The following CACNA2D3 variants were observed in gnomAD, a reference collection of about 807,000 sequenced individuals.
CACNA2D3 encodes the protein voltage-dependent calcium channel subunit alpha-2/delta-3.
A neutral mutation model predicts 160.6 loss-of-function variants in CACNA2D3; 60 were observed. The ratio of observed to expected loss-of-function variants is 0.37; its 90% confidence interval spans 0.30 to 0.46. The LOEUF is 0.46. Among genes scored for constraint, CACNA2D3 ranks in the 20% least tolerant of loss-of-function variants. The pLI is 1.00. For synonymous variants in CACNA2D3, 558 were observed against 492.9 expected (o/e 1.13, Z -1.75); for missense variants, 1,205 against 1,365.0 (o/e 0.88, Z 1.85).
intron 27 of CACNA2D3, among the ~76,000 whole-genome samples, chr3:54,928,784 T>A (rs1356644537): frequency 6.6e-6 from 1 of 152,032 alleles, no homozygotes; most frequent in Non-Finnish European, 1.5e-5. Flanking sequence ...CTTTCTTCGT[T>A]TCCCTGATGC....
intron 3 of CACNA2D3, among the ~76,000 whole-genome samples, chr3:54,360,112 A>T (rs757942059): frequency 1.3e-5 from 2 of 152,164 alleles, no homozygotes; most frequent in East Asian, 1.9e-4. Context: ...TTTGTAAATA[A>T]TGTTTATTGG....
At chr3:54,460,378 T>C (rs1300220997) in intron 4 of CACNA2D3, among the ~76,000 whole-genome samples, 2 of 152,202 alleles carry the variant, frequency 1.3e-5, no homozygotes, top group Non-Finnish European at 2.9e-5. Flanking sequence ...TATGGCCATT[T>C]TCACGATATT....
At chr3:54,378,580 G>C (rs1027378570) in intron 3 of CACNA2D3, among the ~76,000 whole-genome samples, 2 of 152,182 alleles carry the variant, frequency 1.3e-5, no homozygotes, top group Admixed American at 1.3e-4. Context: ...AAAAGAAATA[G>C]TGCAGTTACC....
intron 13 of CACNA2D3, among the ~76,000 whole-genome samples, chr3:54,803,629 C>T (rs557750921): frequency 8.5e-5 from 13 of 152,346 alleles, no homozygotes; most frequent in African/African-American, 2.9e-4. Context: ...GGAAAACACT[C>T]TGCAGGATAT....
chr3:54,320,342 T>A (rs1337663843), intron 2 of CACNA2D3, 100 bp from the exon 3 acceptor site: 1 of 563,634 alleles, frequency 1.8e-6, no homozygotes, highest in African/African-American at 1.9e-5. Flanking sequence ...ATGGTGTAAT[T>A]TTATCTTTAT....
chr3:54,447,487 C>T (rs891994376), intron 4 of CACNA2D3, among the ~76,000 whole-genome samples: 1 of 152,194 alleles, frequency 6.6e-6, no homozygotes, highest in African/African-American at 2.4e-5. Flanking sequence ...GTTGTATACA[C>T]AGGGCTTGGA....
At chr3:54,335,832 G>T (rs1358625989) in intron 3 of CACNA2D3, among the ~76,000 whole-genome samples, 1 of 151,506 alleles carries the variant, frequency 6.6e-6, no homozygotes, top group Non-Finnish European at 1.5e-5. Context: ...GGTGAAACCT[G>T]TCTCTACTAA....
At chr3:54,516,696 G>T (rs1701556584) in intron 5 of CACNA2D3, among the ~76,000 whole-genome samples, 1 of 152,178 alleles carries the variant, frequency 6.6e-6, no homozygotes, top group Non-Finnish European at 1.5e-5. Context: ...CAGCGGTTGA[G>T]TCCACGCGAC....
intron 10 of CACNA2D3, among the ~76,000 whole-genome samples, chr3:54,628,814 A>C (rs1000111363): frequency 4.6e-5 from 7 of 152,226 alleles, no homozygotes; most frequent in Admixed American, 4.6e-4. Context: ...GGGGTACAAC[A>C]GGCAGGAGGG....
At chr3:54,307,496 T>G (rs1218220308) in intron 2 of CACNA2D3, among the ~76,000 whole-genome samples, 4 of 152,150 alleles carry the variant, frequency 2.6e-5, no homozygotes, top group African/African-American at 9.7e-5. Flanking sequence ...CAGTAGGGAA[T>G]TATATGTCAG....
chr3:54,392,705 A>G lies in CACNA2D3; in HGVS notation c.381+5931A>G, dbSNP rs1383980469. On this transcript the variant is annotated intron_variant, in intron 4 of 37. Transcript: ENST00000474759. The stretch of plus-strand genomic sequence containing the variant: ...GGGGGAATAAAGACTGTTGGTGGGA[A>G]ACCTCTGAGATAAGATGACTTCCGA... Among the ~76,000 whole-genome samples the G allele has an allele frequency of 2.6e-5, 4 of 152,114 alleles. No homozygotes were observed. The East Asian group carries it at 7.7e-4, about 29-fold the overall frequency.
chr3:54,634,060 T>C (rs1167312228), intron 10 of CACNA2D3, among the ~76,000 whole-genome samples: 7 of 152,208 alleles, frequency 4.6e-5, no homozygotes, highest in African/African-American at 7.2e-5. Context: ...TCTCTCAAGT[T>C]ACTGCAACTT....
chr3:54,122,768 G>A lies in CACNA2D3; in HGVS notation c.55G>A (p.Ala19Thr). 1 of 1,226,364 alleles carries A rather than the reference G, an allele frequency of 8.2e-7. No homozygotes were observed. The allele number at this position is 1,226,364 out of a possible 1,614,324, so 76.0% of individuals were successfully genotyped here. A position where few individuals can be genotyped will look rare whatever the true frequency, so the allele number is the denominator to read the frequency against. ...GTCCCGGGGGGCCTCGGCGCTTCTC[G>A]CTGCCGCGCTTCTCTACGCCGCGCT... Reference protein sequence around the residue: ...RASRGASALLAAALLYAALGD... With the variant: ...RASRGASALLTAALLYAALGD... The change falls in exon 1 of 38, where the codon GCT becomes ACT. Residue 19 changes from alanine (A) to threonine (T), a missense_variant. Transcript: ENST00000474759.
intron 4 of CACNA2D3, among the ~76,000 whole-genome samples, chr3:54,412,737 T>A (rs1328424892): frequency 6.6e-6 from 1 of 151,780 alleles, no homozygotes; most frequent in East Asian, 1.9e-4. Context: ...GTTGTTGTTG[T>A]TGTTCATTTC....
intron 2 of CACNA2D3, among the ~76,000 whole-genome samples, chr3:54,279,828 T>C (rs921380297): frequency 2.6e-5 from 4 of 152,182 alleles, no homozygotes; most frequent in African/African-American, 9.7e-5. Context: ...CTCCATGTGG[T>C]TGGTAGACTG....
At chr3:54,793,649 G>A (rs939520935) in intron 13 of CACNA2D3, among the ~76,000 whole-genome samples, 19 of 152,172 alleles carry the variant, frequency 1.2e-4, no homozygotes, top group Admixed American at 3.3e-4. Context: ...CATCCCCCAC[G>A]TAACTCCCTT....
chr3:54,269,668 G>A (rs1217119518), intron 2 of CACNA2D3, among the ~76,000 whole-genome samples: 1 of 152,220 alleles, frequency 6.6e-6, no homozygotes, highest in Non-Finnish European at 1.5e-5. Context: ...GCAGACAGTG[G>A]CCAGGGAAGA....
chr3:54,386,581 C>T, intron 3 of CACNA2D3, 134 bp from the exon 4 acceptor site: 1 of 700,772 alleles, frequency 1.4e-6, no homozygotes, highest in Non-Finnish European at 2.3e-6. Flanking sequence ...TTTTCAGTTT[C>T]ATGGGAGCAA....
At chr3:54,832,353 G>A (rs936186622) in intron 14 of CACNA2D3, among the ~76,000 whole-genome samples, 5 of 152,168 alleles carry the variant, frequency 3.3e-5, no homozygotes, top group African/African-American at 1.2e-4. Context: ...CACTCAGGAT[G>A]GGAGAGCTTG....
Sources: allele counts gnomAD v4.1 joint callset (sites outside exome capture counted in the v4.1 genomes callset), GRCh38; gene constraint gnomAD v4.1.1; transcripts MANE v1.5; gene names NCBI Gene and HGNC (gene_info 2026-07-23, HGNC 2026-07-21).